METTL8: variants seen among roughly 807,000 people sequenced by gnomAD.
METTL8 encodes the protein tRNA N(3)-cytidine methyltransferase METTL8, mitochondrial.
A neutral mutation model predicts 48.7 loss-of-function variants in METTL8; 32 were observed. The observed-to-expected ratio is 0.66, with a 90% CI of 0.50 to 0.88. The LOEUF (loss-of-function observed/expected upper bound fraction) is 0.88, where lower values mean the gene tolerates loss of function less well. Among genes scored for constraint, METTL8 ranks in the 40% least tolerant of loss-of-function variants. The pLI is 0.00. For missense variants in METTL8, 464 were observed against 474.4 expected (o/e 0.98, Z 0.20); for synonymous variants, 136 against 157.1 (o/e 0.87, Z 1.01).
At chr2:171,334,071 TAAAAC>T (rs148818231) in intron 5 of METTL8, among the ~76,000 whole-genome samples, 44,157 of 150,712 alleles carry the variant, frequency 0.29, 6,770 homozygotes, top group African/African-American at 0.37. Flanking sequence ...CATAGTCCTC[TAAAAC>T]AAAACAAAAC....
intron 1 of METTL8, among the ~76,000 whole-genome samples, chr2:171,396,889 T>C (rs1450104097): frequency 6.6e-6 from 1 of 151,922 alleles, no homozygotes; most frequent in Non-Finnish European, 1.5e-5. Flanking sequence ...GGTCTTGTTC[T>C]ATCACCCAGA....
At chr2:171,324,933 T>C (rs1236342906) in intron 9 of METTL8, among the ~76,000 whole-genome samples, 2 of 151,796 alleles carry the variant, frequency 1.3e-5, no homozygotes, top group Non-Finnish European at 2.9e-5. Flanking sequence ...GTGAAACCCC[T>C]TCTCTAATAA....
Position 171,337,485 on chromosome 2 carries a change from T to A in METTL8, c.624A>T (p.Gly208=), listed in dbSNP as rs779427999. The A allele has an allele frequency of 6.2e-7, 1 of 1,606,202 alleles. No individual in the cohort carries two copies. Among genetic ancestry groups the A allele is most frequent in the Non-Finnish European group, 8.5e-7 (1 of 1,176,248 alleles). ...TGTTCAAAATTGGAAACACACTATT[T>A]CCAGCTCCACAACCAACCTAAAATC... The part of the protein sequence containing the change: ...FRILEVGCGA[G]NSVFPILNTL... Residue 208 remains glycine, a synonymous_variant, in exon 5 of 10, where the codon GGA becomes GGT. Coordinates refer to ENST00000375258, the MANE Select transcript of METTL8 (RefSeq NM_001321154.2).
At chr2:171,326,278 G>A (rs907274713) in intron 7 of METTL8, 130 bp from the exon 8 acceptor site, 13 of 559,570 alleles carry the variant, frequency 2.3e-5, no homozygotes, top group Non-Finnish European at 3.5e-5. Context: ...ATAAACATAA[G>A]GGTAACAAAA....
chr2:171,373,465 G>A (rs919147089), intron 2 of METTL8, among the ~76,000 whole-genome samples: 19 of 152,268 alleles, frequency 1.2e-4, no homozygotes, highest in Admixed American at 1.2e-3. Flanking sequence ...CTTTTGCTGT[G>A]CAGAAGCTCT....
intron 2 of METTL8, among the ~76,000 whole-genome samples, chr2:171,389,238 G>A (rs1427664363): frequency 6.6e-6 from 1 of 152,154 alleles, no homozygotes; most frequent in Non-Finnish European, 1.5e-5. Flanking sequence ...TGCTACTCCA[G>A]GTTGAGTGCT....
At position 171,410,897 on chromosome 2, in the gene METTL8, T is replaced by C. The variant is rs542256993; in HGVS notation, c.-12-18700A>G. On this transcript the variant is annotated intron_variant, in intron 1 of 9. Coordinates refer to ENST00000375258, the MANE Select transcript of METTL8 (RefSeq NM_001321154.2). Reference sequence around the variant, plus strand: ...GTACATACTGTAATACCACAAATGATAGTATCTTTAGATATTACTTAGATA... The same window carrying C: ...GTACATACTGTAATACCACAAATGACAGTATCTTTAGATATTACTTAGATA... Among the ~76,000 whole-genome samples the C allele has an allele frequency of 4.0e-4, 61 of 152,372 alleles. 1 individual carries two copies. The highest frequency in any genetic ancestry group is 3.4e-3 in the Middle Eastern group (1 of 294).
At chr2:171,398,338 T>G (rs1689310007) in intron 1 of METTL8, among the ~76,000 whole-genome samples, 1 of 152,086 alleles carries the variant, frequency 6.6e-6, no homozygotes, top group Non-Finnish European at 1.5e-5. Context: ...AGAAAGGAAA[T>G]TTTGACACAT....
At chr2:171,325,054 G>T (rs945700158) in intron 9 of METTL8, among the ~76,000 whole-genome samples, 2 of 149,638 alleles carry the variant, frequency 1.3e-5, no homozygotes, top group African/African-American at 4.9e-5. Flanking sequence ...CCGGCGAGGT[G>T]GAGATGGCAG....
chr2:171,418,004 C>T (rs1344526203), intron 1 of METTL8, among the ~76,000 whole-genome samples: 1 of 152,014 alleles, frequency 6.6e-6, no homozygotes, highest in Non-Finnish European at 1.5e-5. Context: ...AGCGCAGTGG[C>T]GCAATCTCGG....
intron 1 of METTL8, among the ~76,000 whole-genome samples, chr2:171,431,834 CT>C (rs36048690): frequency 0.12 from 18,857 of 152,254 alleles, 1,562 homozygotes; most frequent in Non-Finnish European, 0.18. Context: ...TCTAAAAGAG[CT>C]GTTAGCATGC....
chr2:171,422,285 A>G (rs1691952698), intron 1 of METTL8, among the ~76,000 whole-genome samples: 1 of 152,226 alleles, frequency 6.6e-6, no homozygotes, highest in Non-Finnish European at 1.5e-5. Context: ...TTATTCATAT[A>G]CAAAAAATAA....
chr2:171,364,562 C>T (rs1685529721), intron 2 of METTL8, among the ~76,000 whole-genome samples: 1 of 152,072 alleles, frequency 6.6e-6, no homozygotes, highest in Non-Finnish European at 1.5e-5. Context: ...ATATATATTT[C>T]TTATTCCTTC....
intron 1 of METTL8, among the ~76,000 whole-genome samples, chr2:171,428,321 G>A (rs1692624234): frequency 6.6e-6 from 1 of 152,106 alleles, no homozygotes; most frequent in African/African-American, 2.4e-5. Context: ...TAAGGAATAA[G>A]TGGAGACTAA....
At chr2:171,339,639 T>C in intron 3 of METTL8, 85 bp from the exon 4 acceptor site, 5 of 601,178 alleles carry the variant, frequency 8.3e-6, no homozygotes, top group East Asian at 2.9e-5. Context: ...GTTAAACATA[T>C]ACATTATCAT....
intron 1 of METTL8, among the ~76,000 whole-genome samples, chr2:171,428,270 G>GT (rs1330940281): frequency 1.3e-5 from 2 of 152,140 alleles, no homozygotes; most frequent in Non-Finnish European, 2.9e-5. Context: ...AAGGATTTAA[G>GT]TTTTTTTGAA....
At chr2:171,398,811 C>T (rs549595289) in intron 1 of METTL8, among the ~76,000 whole-genome samples, 1 of 151,842 alleles carries the variant, frequency 6.6e-6, no homozygotes, top group African/African-American at 2.4e-5. Context: ...TTCTTGTGTA[C>T]CTTATATATA....
intron 3 of METTL8, among the ~76,000 whole-genome samples, chr2:171,341,578 G>C (rs988126274): frequency 6.6e-6 from 1 of 151,162 alleles, no homozygotes; most frequent in Non-Finnish European, 1.5e-5. Flanking sequence ...CGTGTTCTTG[G>C]GCAGTGCTAC....
chr2:171,352,604 T>C (rs910877981), intron 3 of METTL8, among the ~76,000 whole-genome samples: 2 of 152,166 alleles, frequency 1.3e-5, no homozygotes, highest in African/African-American at 2.4e-5. Context: ...GTCCTGGACT[T>C]TTTTTGGTTG....
Sources: gnomAD v4.1 joint callset for allele counts (sites outside exome capture counted in the v4.1 genomes callset) on GRCh38, gnomAD v4.1.1 for gene constraint, MANE v1.5 for transcripts, NCBI Gene and HGNC (gene_info 2026-07-23, HGNC 2026-07-21) for gene names.